The following WDR72 variants were observed in gnomAD, a reference collection of about 807,000 sequenced individuals.
WDR72 encodes the protein WD repeat-containing protein 72.
WDR72 carries 120 observed loss-of-function variants against 124.2 expected under a neutral mutation model. The observed-to-expected ratio is 0.97, with a 90% CI of 0.83 to 1.12. The LOEUF (loss-of-function observed/expected upper bound fraction) is 1.12. WDR72 is among the 50% of genes most tolerant of loss of function. WDR72 has a pLI of 0.00. For missense variants in WDR72, 1,387 were observed against 1,278.8 expected (o/e 1.08, Z -1.29); for synonymous variants, 452 against 441.7 (o/e 1.02, Z -0.29).
intron 18 of WDR72, among the ~76,000 whole-genome samples, chr15:53,549,046 G>A (rs966123768): frequency 6.6e-6 from 1 of 152,200 alleles, no homozygotes; most frequent in Non-Finnish European, 1.5e-5. Flanking sequence ...ATTTCAAACA[G>A]TTAAGTATGG....
At chr15:53,558,424 G>A (rs1310319373) in intron 18 of WDR72, among the ~76,000 whole-genome samples, 1 of 151,988 alleles carries the variant, frequency 6.6e-6, no homozygotes, top group Non-Finnish European at 1.5e-5. Flanking sequence ...TCTGAAAAAT[G>A]TGCTCTAAAG....
chr15:53,711,999 C>T lies in WDR72; in HGVS notation c.712-518G>A, dbSNP rs140308499. On this transcript the variant is annotated intron_variant, in intron 7 of 19. Coordinates refer to ENST00000360509, the MANE Select transcript of WDR72 (RefSeq NM_182758.4). The stretch of plus-strand genomic sequence containing the variant: ...TTTTCTTTCTTCTTGGAAATGTCAG[C>T]GAACATATTCACAAGAAAATAACGT... 3.1e-3 allele frequency among the ~76,000 whole-genome samples: 470 copies of T among 152,102 alleles called. 2 individuals carry two copies. Among genetic ancestry groups the T allele is most frequent in the Non-Finnish European group, 5.2e-3 (356 of 67,988 alleles).
chr15:53,743,234 A>G (rs1178284289), intron 1 of WDR72, among the ~76,000 whole-genome samples: 1 of 152,170 alleles, frequency 6.6e-6, no homozygotes, highest in Non-Finnish European at 1.5e-5. Context: ...AGGTGTAATA[A>G]TTATGAAAGT....
intron 18 of WDR72, among the ~76,000 whole-genome samples, chr15:53,575,420 A>C (rs1003697288): frequency 8.5e-5 from 13 of 152,178 alleles, no homozygotes; most frequent in African/African-American, 1.4e-4. Flanking sequence ...TCTGCAAATA[A>C]AGTTTTAATT....
At chr15:53,709,436 G>A (rs1229076608) in intron 9 of WDR72, among the ~76,000 whole-genome samples, 2 of 152,172 alleles carry the variant, frequency 1.3e-5, no homozygotes, top group Admixed American at 6.6e-5. Flanking sequence ...AACTTCCCAT[G>A]AGATTAGTTA....
intron 14 of WDR72, among the ~76,000 whole-genome samples, chr15:53,655,036 G>C (rs2015368440): frequency 6.6e-6 from 1 of 151,886 alleles, no homozygotes; most frequent in Non-Finnish European, 1.5e-5. Flanking sequence ...TTCAAGACAA[G>C]CTTGGCCAAA....
chr15:53,543,384 C>T (rs1893257258), intron 18 of WDR72, among the ~76,000 whole-genome samples: 1 of 152,276 alleles, frequency 6.6e-6, no homozygotes, highest in African/African-American at 2.4e-5. Flanking sequence ...CAACCTGCTC[C>T]TGAATGACTT....
At chr15:53,695,726 T>G (rs1567033434) in intron 13 of WDR72, among the ~76,000 whole-genome samples, 1 of 152,134 alleles carries the variant, frequency 6.6e-6, no homozygotes, top group Non-Finnish European at 1.5e-5. Flanking sequence ...TACCCTGTCA[T>G]CCATCTCACT....
intron 13 of WDR72, among the ~76,000 whole-genome samples, chr15:53,696,100 C>T: frequency 6.6e-6 from 1 of 152,176 alleles, no homozygotes; most frequent in East Asian, 1.9e-4. Flanking sequence ...TCTCTGTGGG[C>T]TCTGGAGTTG....
At chr15:53,729,493 A>AAAC (rs386383024) in intron 2 of WDR72, among the ~76,000 whole-genome samples, 2 of 150,226 alleles carry the variant, frequency 1.3e-5, no homozygotes, top group Admixed American at 6.6e-5. Context: ...AGTGAAAAAA[A>AAAC]AACAAAACAA....
chr15:53,534,179 G>C (rs1363390899), intron 18 of WDR72, among the ~76,000 whole-genome samples: 2 of 152,074 alleles, frequency 1.3e-5, no homozygotes, highest in African/African-American at 4.8e-5. Context: ...TAGATTATAT[G>C]TTTGCTCCAC....
chr15:53,758,969 T>C (rs1455795793), intron 1 of WDR72, among the ~76,000 whole-genome samples: 2 of 151,738 alleles, frequency 1.3e-5, no homozygotes, highest in Admixed American at 6.6e-5. Flanking sequence ...GCACAGACAG[T>C]CCCCCCTTTA....
At chr15:53,600,228 A>G (rs1252218878) in intron 17 of WDR72, among the ~76,000 whole-genome samples, 1 of 152,174 alleles carries the variant, frequency 6.6e-6, no homozygotes, top group Non-Finnish European at 1.5e-5. Flanking sequence ...GTTTATAACT[A>G]TCAGTACTTG....
intron 14 of WDR72, among the ~76,000 whole-genome samples, chr15:53,631,434 GCAAGAACTAACA>G (rs1234967081): frequency 6.6e-6 from 1 of 152,116 alleles, no homozygotes; most frequent in Admixed American, 6.6e-5. Context: ...TTATAGCAGT[GCAAGAACTAACA>G]CAGAAAATTG....
Position 53,715,251 on chromosome 15 carries a change from T to C in WDR72, c.456A>G (p.Ser152=). The change falls in exon 5 of 20, where the codon TCA becomes TCG. Residue 152 remains serine (S), a synonymous_variant. Coordinates refer to ENST00000360509, the MANE Select transcript of WDR72 (RefSeq NM_182758.4). ...KTLAVVHSFR[S]SQFPDWINCM... is the part of the protein sequence containing the mutation. The stretch of plus-strand genomic sequence containing the variant: ...AGTTGATCCAGTCAGGAAACTGAGA[T>C]GATCTAAAACTGTGAACAACAGCCA... The C allele has an allele frequency of 6.2e-7, 1 of 1,614,184 alleles. No individual in the cohort carries two copies. Among genetic ancestry groups the C allele is most frequent in the Non-Finnish European group, 8.5e-7 (1 of 1,180,018 alleles).
chr15:53,533,310 T>C (rs1304241240), intron 18 of WDR72, among the ~76,000 whole-genome samples: 2 of 152,246 alleles, frequency 1.3e-5, no homozygotes, highest in African/African-American at 4.8e-5. Flanking sequence ...AAGAGTATAT[T>C]TGTAAAATTG....
Position 53,515,213 on chromosome 15 carries a change from A to G in WDR72, c.*2486T>C, listed in dbSNP as rs759637428. ...TGACAGGAAGACTCCGGATACAAAC[A>G]CATTTGCTAATATAATCACTCCACT... On this transcript the variant is annotated 3_prime_UTR_variant, in exon 20 of 20. Transcript: ENST00000360509. 2.6e-5 allele frequency: 4 copies of G among 151,992 alleles called. No homozygotes were observed. Among genetic ancestry groups the G allele is most frequent in the South Asian group, 4.2e-4 (2 of 4,810 alleles). 9.4% of individuals were successfully genotyped at this position (151,992 alleles called of 1,614,324 possible). A position where few individuals can be genotyped will look rare whatever the true frequency, so the allele number is the denominator to read the frequency against.
At chr15:53,714,549 G>A in intron 5 of WDR72, 39 bp from the exon 6 acceptor site, 1 of 1,480,378 alleles carries the variant, frequency 6.8e-7, no homozygotes, top group Non-Finnish European at 9.4e-7. Context: ...GCTTACCATG[G>A]ATATAATTGG....
upstream of WDR72, among the ~76,000 whole-genome samples, chr15:53,761,383 T>C (rs1229014782): frequency 3.9e-5 from 6 of 152,086 alleles, no homozygotes; most frequent in African/African-American, 1.4e-4. Flanking sequence ...TATAAATAAG[T>C]ACAACCACTA....
Sources: gnomAD v4.1 joint callset for allele counts (sites outside exome capture counted in the v4.1 genomes callset) on GRCh38, gnomAD v4.1.1 for gene constraint, MANE v1.5 for transcripts, NCBI Gene and HGNC (gene_info 2026-07-23, HGNC 2026-07-21) for gene names.